Variants in MTCL1 observed in about 807,000 individuals in gnomAD.
The protein encoded by MTCL1 is microtubule crosslinking factor 1.
MTCL1 carries 79 observed loss-of-function variants against 141.4 expected under a neutral mutation model. That is an observed-to-expected ratio of 0.56 (90% CI 0.47 to 0.67). The LOEUF is 0.67. Among genes scored for constraint, MTCL1 ranks in the 30% least tolerant of loss-of-function variants. MTCL1 has a pLI of 0.00. For missense variants in MTCL1, 2,177 were observed against 2,113.9 expected, an observed-to-expected ratio of 1.03 and a Z score of -0.59; for synonymous variants, 914 against 875.8, an observed-to-expected ratio of 1.04 and a Z score of -0.77.
At chr18:8,796,413 A>G (rs1221054002) in exon 9 of MTCL1, 2 of 1,614,170 alleles carry the variant, frequency 1.2e-6, no homozygotes, top group Admixed American at 1.7e-5. Context: ...CTGCTGAAAC[A>G]CTGGCGGCAA....
intron 4 of MTCL1, among the ~76,000 whole-genome samples, chr18:8,765,451 A>C (rs2096455334): frequency 6.6e-6 from 1 of 152,196 alleles, no homozygotes; most frequent in Admixed American, 6.5e-5. Flanking sequence ...GGCAGCTGTG[A>C]TATGGGCAAG....
intron 7 of MTCL1, among the ~76,000 whole-genome samples, chr18:8,792,442 A>G (rs376912256): frequency 2.6e-5 from 4 of 152,252 alleles, no homozygotes; most frequent in Non-Finnish European, 5.9e-5. Flanking sequence ...ATCTCTGCTC[A>G]TTGATGAACC....
exon 6 of MTCL1, chr18:8,783,545 T>C (rs757157104): frequency 3.1e-6 from 5 of 1,602,750 alleles, no homozygotes; most frequent in South Asian, 1.1e-5. Context: ...CAGTGCCGAT[T>C]TGAGGTGCCA....
chr18:8,827,708 A>G (rs1335175965), intron 15 of MTCL1, among the ~76,000 whole-genome samples: 2 of 152,224 alleles, frequency 1.3e-5, no homozygotes, highest in Admixed American at 6.5e-5. Flanking sequence ...GTCACAAAGC[A>G]TTAACCGGCT....
chr18:8,784,915 C>T lies in MTCL1; in HGVS notation c.1731+72C>T, dbSNP rs12962542. The T allele has an allele frequency of 7.1e-4, 947 of 1,337,888 alleles. 5 individuals are homozygous for T. The African/African-American group carries it at 0.011, about 15-fold the overall frequency. The allele number at this position is 1,337,888 out of a possible 1,614,324, so 82.9% of individuals were successfully genotyped here. ...TCCTTCTCGCTGGCATTGCTGCACT[C>T]GGGCTCACGCTGCTCACGGCTGCTT... On this transcript the variant is annotated intron_variant, in intron 6 of 16. Coordinates refer to ENST00000359865, the Ensembl canonical transcript of MTCL1.
intron 14 of MTCL1, among the ~76,000 whole-genome samples, chr18:8,823,103 C>A (rs556004585): frequency 6.6e-6 from 1 of 152,136 alleles, no homozygotes; most frequent in Non-Finnish European, 1.5e-5. Context: ...TCCCCACTGT[C>A]CCCATGTCCT....
At chr18:8,733,130 A>C (rs1271479152) in intron 4 of MTCL1, among the ~76,000 whole-genome samples, 1 of 152,152 alleles carries the variant, frequency 6.6e-6, no homozygotes, top group Non-Finnish European at 1.5e-5. Flanking sequence ...GGAAGGTGAG[A>C]GCTGAGGACG....
chr18:8,743,829 T>A (rs918252834), intron 4 of MTCL1, among the ~76,000 whole-genome samples: 22 of 152,262 alleles, frequency 1.4e-4, no homozygotes, highest in African/African-American at 5.1e-4. Context: ...TGTAGCATGA[T>A]ACAGTCACAT....
chr18:8,775,433 C>T (rs2096503278), intron 4 of MTCL1, among the ~76,000 whole-genome samples: 2 of 145,228 alleles, frequency 1.4e-5, no homozygotes, highest in South Asian at 4.5e-4. Context: ...AAAAGCTGCG[C>T]ATGGTGGTGC....
At chr18:8,791,467 T>C (rs908697825) in intron 7 of MTCL1, among the ~76,000 whole-genome samples, 1 of 145,536 alleles carries the variant, frequency 6.9e-6, no homozygotes, top group Non-Finnish European at 1.5e-5. Context: ...CCCTGGGAGA[T>C]GAAGTCACAC....
In MTCL1 at chr18:8,806,834, T is replaced by C. The variant is rs1598748674; in HGVS notation, c.2437-59T>C. On this transcript the variant is annotated intron_variant, in intron 10 of 16. Transcript: ENST00000359865. Reference sequence around the variant, plus strand: ...ACCTTGATAGCCAGATCCTCTCCTCTTCTGACCTAAAAAATACGCTTAAAG... The same window carrying C: ...ACCTTGATAGCCAGATCCTCTCCTCCTCTGACCTAAAAAATACGCTTAAAG... 4 of 1,495,550 alleles carry C rather than the reference T, an allele frequency of 2.7e-6. No individual in the cohort carries two copies. The East Asian group carries it at 1.0e-4, about 39-fold the overall frequency. The allele number at this position is 1,495,550 out of a possible 1,614,324, so 92.6% of individuals were successfully genotyped here.
intron 4 of MTCL1, among the ~76,000 whole-genome samples, chr18:8,724,459 G>A (rs1784530): frequency 0.43 from 64,780 of 151,878 alleles, 14,574 homozygotes; most frequent in Admixed American, 0.55. Flanking sequence ...CACTCTATCC[G>A]TACTTTTACC....
intron 13 of MTCL1, 63 bp from the exon 13 acceptor site, chr18:8,821,404 A>G: frequency 9.6e-7 from 1 of 1,039,894 alleles, no homozygotes; most frequent in Non-Finnish European, 1.5e-6. Flanking sequence ...TCACTTAAGT[A>G]CATTCAGGGC....
At chr18:8,757,956 T>C (rs181084152) in intron 4 of MTCL1, among the ~76,000 whole-genome samples, 85 of 152,176 alleles carry the variant, frequency 5.6e-4, no homozygotes, top group Middle Eastern at 6.8e-3. Flanking sequence ...AAAGGAAATA[T>C]CACAAGCTGC....
chr18:8,792,835 G>A (rs915646296), intron 7 of MTCL1, among the ~76,000 whole-genome samples, 163 bp from the exon 7 acceptor site: 6 of 152,214 alleles, frequency 3.9e-5, no homozygotes, highest in African/African-American at 1.4e-4. Context: ...GAGTCTAGAG[G>A]GAGGCCCCAG....
At chr18:8,824,958 T>C (rs199690043) in exon 15 of MTCL1, 2 of 1,613,560 alleles carry the variant, frequency 1.2e-6, no homozygotes, top group Non-Finnish European at 8.5e-7. Flanking sequence ...CACAGAGCCT[T>C]TCCCCGACTC....
chr18:8,827,140 T>A (rs568138051), intron 15 of MTCL1, among the ~76,000 whole-genome samples: 3 of 152,314 alleles, frequency 2.0e-5, no homozygotes, highest in Non-Finnish European at 4.4e-5. Flanking sequence ...ATGAGCACTC[T>A]CCGAGCCAGG....
chr18:8,731,714 A>C (rs2096251575), intron 4 of MTCL1, among the ~76,000 whole-genome samples: 1 of 152,174 alleles, frequency 6.6e-6, no homozygotes, highest in Admixed American at 6.5e-5. Context: ...TCTCAAAAAA[A>C]AAATTTTTTT....
intron 4 of MTCL1, among the ~76,000 whole-genome samples, chr18:8,766,996 C>G (rs2096462749): frequency 6.6e-6 from 1 of 152,230 alleles, no homozygotes; most frequent in South Asian, 2.1e-4. Context: ...AGGGGTTTGT[C>G]CTGTTGTAGG....
Sources: gnomAD v4.1 joint callset for allele counts (sites outside exome capture counted in the v4.1 genomes callset) on GRCh38, gnomAD v4.1.1 for gene constraint, MANE v1.5 for transcripts, NCBI Gene and HGNC (gene_info 2026-07-23, HGNC 2026-07-21) for gene names.